Variants in AKAP13 observed in about 807,000 individuals in gnomAD.
AKAP13 encodes A-kinase anchor protein 13.
In AKAP13, 80 loss-of-function variants were observed where a neutral mutation model predicts 264.5. That is an observed-to-expected ratio of 0.30 (90% CI 0.25 to 0.36). The LOEUF is 0.36. Among genes scored for constraint, AKAP13 ranks in the 10% least tolerant of loss-of-function variants. The probability of loss-of-function intolerance (pLI) is 1.00; values close to 1 mark genes in which losing one functional copy is unlikely to be tolerated. For missense variants in AKAP13, 3,712 were observed against 3,435.2 expected (o/e 1.08, Z -2.01); for synonymous variants, 1,380 against 1,250.2 (o/e 1.10, Z -2.19).
chr15:85,433,372 A>G (rs889760867), intron 1 of AKAP13, among the ~76,000 whole-genome samples: 1 of 152,034 alleles, frequency 6.6e-6, no homozygotes, highest in Non-Finnish European at 1.5e-5. Context: ...ACCACTTCTT[A>G]TTTCATTCCC....
intron 25 of AKAP13, 40 bp downstream of exon 25, chr15:85,722,387 C>A: frequency 6.6e-7 from 1 of 1,508,808 alleles, no homozygotes; most frequent in Non-Finnish European, 9.0e-7. Flanking sequence ...TGGTCATGGA[C>A]TGTTTCCTCT....
At chr15:85,569,650 G>A (rs930618926) in intron 5 of AKAP13, among the ~76,000 whole-genome samples, 2 of 151,908 alleles carry the variant, frequency 1.3e-5, no homozygotes, top group South Asian at 2.1e-4. Context: ...AGGGGGTTTC[G>A]CCATGTTGGC....
chr15:85,629,735 TC>T (rs2081602300), intron 8 of AKAP13, among the ~76,000 whole-genome samples: 1 of 146,318 alleles, frequency 6.8e-6, no homozygotes. Context: ...GTATCATGAA[TC>T]TAGAAATATA....
At chr15:85,560,672 TAA>T (rs1555444645) in intron 5 of AKAP13, among the ~76,000 whole-genome samples, 1 of 17,006 alleles carries the variant, frequency 5.9e-5, no homozygotes, top group African/African-American at 1.7e-4. Flanking sequence ...TTATTATGAG[TAA>T]ATTATTCAAC....
intron 1 of AKAP13, among the ~76,000 whole-genome samples, chr15:85,449,062 C>T (rs2073996503): frequency 6.6e-6 from 1 of 151,984 alleles, no homozygotes; most frequent in South Asian, 2.1e-4. Flanking sequence ...TTGTTTGTGT[C>T]TTGTCTGATT....
At chr15:85,600,033 C>T (rs1414971502) in intron 8 of AKAP13, among the ~76,000 whole-genome samples, 1 of 152,096 alleles carries the variant, frequency 6.6e-6, no homozygotes. Flanking sequence ...TTGATCCTTC[C>T]TCTTTTATTA....
chr15:85,617,411 T>G (rs575881996), intron 8 of AKAP13, among the ~76,000 whole-genome samples: 2 of 152,296 alleles, frequency 1.3e-5, no homozygotes, highest in East Asian at 3.9e-4. Context: ...GCCTGGCTAA[T>G]TTTTGTATTT....
chr15:85,723,390 G>C (rs924408633), intron 26 of AKAP13, 70 bp downstream of exon 26: 57 of 1,567,466 alleles, frequency 3.6e-5, no homozygotes, highest in African/African-American at 2.6e-4. Flanking sequence ...TGCTTTTGTT[G>C]GAAATTCACT....
intron 5 of AKAP13, among the ~76,000 whole-genome samples, chr15:85,557,774 C>T (rs920822223): frequency 6.6e-6 from 1 of 152,168 alleles, no homozygotes; most frequent in Non-Finnish European, 1.5e-5. Flanking sequence ...CATGCCCACA[C>T]GACAGAACCT....
chr15:85,567,835 AG>A (rs538598357), intron 5 of AKAP13, among the ~76,000 whole-genome samples: 55 of 152,300 alleles, frequency 3.6e-4, no homozygotes, highest in Non-Finnish European at 5.1e-4. Context: ...TTAAACCCTC[AG>A]TAAAATGCAA....
chr15:85,736,030 T>C lies in AKAP13; in HGVS notation c.7513-60T>C, dbSNP rs186069150. The C allele has an allele frequency of 5.1e-5, 67 of 1,318,150 alleles. 1 individual carries two copies. The East Asian group carries it at 1.5e-3, about 30-fold the overall frequency. The allele number at this position is 1,318,150 out of a possible 1,614,324, so 81.7% of individuals were successfully genotyped here. The stretch of plus-strand genomic sequence containing the variant: ...GCTACAGCCTAACACAGAAACACAC[T>C]GAATGTCATTTTTGCATCAAGATCT... On this transcript the variant is annotated intron_variant, in intron 32 of 36. Transcript: ENST00000394518.
chr15:85,634,612 A>C (rs890189300), intron 8 of AKAP13, among the ~76,000 whole-genome samples: 2 of 152,224 alleles, frequency 1.3e-5, no homozygotes, highest in African/African-American at 4.8e-5. Context: ...AAAATTAACC[A>C]ATATAAGTTT....
chr15:85,691,989 C>A (rs1221115425), intron 16 of AKAP13: 4 of 416,986 alleles, frequency 9.6e-6, no homozygotes, highest in Non-Finnish European at 1.9e-5. Flanking sequence ...GACTTCCTTT[C>A]CCTGGAACCC....
At chr15:85,561,340 G>C (rs2078370841) in intron 5 of AKAP13, among the ~76,000 whole-genome samples, 1 of 152,208 alleles carries the variant, frequency 6.6e-6, no homozygotes, top group Non-Finnish European at 1.5e-5. Flanking sequence ...TTACAGGCGT[G>C]AGCCACCATG....
At chr15:85,623,158 T>C (rs542952962) in intron 8 of AKAP13, among the ~76,000 whole-genome samples, 2 of 152,366 alleles carry the variant, frequency 1.3e-5, no homozygotes, top group South Asian at 4.1e-4. Context: ...CAAGCCGTCA[T>C]GTGCACTTTC....
At chr15:85,714,726 T>C (rs2086822747) in intron 19 of AKAP13, among the ~76,000 whole-genome samples, 2 of 152,296 alleles carry the variant, frequency 1.3e-5, no homozygotes, top group East Asian at 1.9e-4. Flanking sequence ...CCCAGCACTT[T>C]GGGAGGCCGA....
At chr15:85,655,290 C>A (rs2083046993) in intron 10 of AKAP13, 127 bp from the exon 11 acceptor site, 1 of 1,206,170 alleles carries the variant, frequency 8.3e-7, no homozygotes, top group Admixed American at 2.7e-5. Context: ...AAAAACAAGT[C>A]TCTGAGGCCA....
chr15:85,509,991 A>C (rs1390840703), intron 2 of AKAP13, among the ~76,000 whole-genome samples: 1 of 152,224 alleles, frequency 6.6e-6, no homozygotes, highest in African/African-American at 2.4e-5. Flanking sequence ...GGCTCCTTCC[A>C]GGTGACCTGT....
chr15:85,506,402 A>G (rs140425752), intron 2 of AKAP13, among the ~76,000 whole-genome samples: 2 of 152,342 alleles, frequency 1.3e-5, no homozygotes, highest in Non-Finnish European at 2.9e-5. Flanking sequence ...TTAGGCAATG[A>G]TGTAGCATTG....
Sources: allele counts gnomAD v4.1 joint callset (sites outside exome capture counted in the v4.1 genomes callset), GRCh38; gene constraint gnomAD v4.1.1; transcripts MANE v1.5; gene names NCBI Gene and HGNC (gene_info 2026-07-23, HGNC 2026-07-21).